TMEM132D: variants seen among roughly 807,000 people sequenced by gnomAD.
TMEM132D encodes the protein mature OL transmembrane protein.
In TMEM132D, 21 loss-of-function variants were observed where a neutral mutation model predicts 62.3. The ratio of observed to expected loss-of-function variants is 0.34; its 90% CI spans 0.24 to 0.49. TMEM132D has a LOEUF of 0.49. Among genes scored for constraint, TMEM132D ranks in the 20% least tolerant of loss-of-function variants. The pLI, the probability that TMEM132D is intolerant of heterozygous loss-of-function variation, is 0.99. For missense variants in TMEM132D, 1,346 were observed against 1,402.8 expected (o/e 0.96, Z 0.65); for synonymous variants, 621 against 575.6 (o/e 1.08, Z -1.13).
chr12:129,749,119 T>C (rs913050305), intron 1 of TMEM132D, among the ~76,000 whole-genome samples: 34 of 152,350 alleles, frequency 2.2e-4, no homozygotes, highest in African/African-American at 7.7e-4. Flanking sequence ...TTGTAACTGG[T>C]ATCATGGTTA....
rs73420163 is a variant in TMEM132D, at chr12:129,250,219, G to A, written c.1300-40556C>T. ...CCTCCTCTGGCTCTTCTCAATGACC[G>A]AGCCCAACCAGAAGCCAACAGGGCA... On this transcript the variant is annotated intron_variant, in intron 4 of 8. Transcript: ENST00000422113. Among the ~76,000 whole-genome samples the A allele has an allele frequency of 5.1e-3, 776 of 152,218 alleles. 10 individuals carry two copies. The highest frequency in any genetic ancestry group is 0.018 in the African/African-American group (745 of 41,528).
At chr12:129,483,865 T>C (rs559857199) in intron 3 of TMEM132D, among the ~76,000 whole-genome samples, 2 of 152,358 alleles carry the variant, frequency 1.3e-5, no homozygotes, top group Admixed American at 6.5e-5. Flanking sequence ...AATATCTGCA[T>C]TTCTCAATGA....
intron 5 of TMEM132D, among the ~76,000 whole-genome samples, chr12:129,090,819 C>A (rs1874884920): frequency 6.6e-6 from 1 of 152,196 alleles, no homozygotes; most frequent in Non-Finnish European, 1.5e-5. Flanking sequence ...TCCAATCTGA[C>A]TTGGCCCTGA....
At chr12:129,357,976 T>G (rs1190505390) in intron 3 of TMEM132D, among the ~76,000 whole-genome samples, 2 of 152,264 alleles carry the variant, frequency 1.3e-5, no homozygotes, top group African/African-American at 4.8e-5. Flanking sequence ...TTCCCATTAC[T>G]GACATCCTTT....
intron 4 of TMEM132D, among the ~76,000 whole-genome samples, chr12:129,276,024 G>A (rs1880996206): frequency 1.4e-5 from 2 of 137,992 alleles, no homozygotes; most frequent in South Asian, 5.3e-4. Context: ...CAGGCACGTG[G>A]ATGCACAGGT....
chr12:129,634,420 GC>G (rs1334340719), intron 2 of TMEM132D, among the ~76,000 whole-genome samples: 2 of 150,076 alleles, frequency 1.3e-5, no homozygotes, highest in African/African-American at 2.5e-5. Flanking sequence ...GCTGCAGTGA[GC>G]TGTGATTGTG....
intron 2 of TMEM132D, among the ~76,000 whole-genome samples, chr12:129,613,429 C>A (rs749346040): frequency 6.6e-6 from 1 of 152,170 alleles, no homozygotes; most frequent in Non-Finnish European, 1.5e-5. Flanking sequence ...CTCAACAGGG[C>A]GTCTTCCCCA....
At chr12:129,436,672 G>T (rs1230272715) in intron 3 of TMEM132D, among the ~76,000 whole-genome samples, 11 of 152,162 alleles carry the variant, frequency 7.2e-5, no homozygotes, top group Non-Finnish European at 1.5e-5. Flanking sequence ...CACATGAACA[G>T]ATCTCCAAAA....
At chr12:129,348,812 G>A (rs1019674416) in intron 3 of TMEM132D, among the ~76,000 whole-genome samples, 22 of 152,198 alleles carry the variant, frequency 1.4e-4, no homozygotes, top group African/African-American at 4.1e-4. Flanking sequence ...AATGATGGCC[G>A]AAATAGCCAG....
chr12:129,477,851 C>T (rs889545661), intron 3 of TMEM132D, among the ~76,000 whole-genome samples: 1 of 151,828 alleles, frequency 6.6e-6, no homozygotes, highest in African/African-American at 2.4e-5. Context: ...TAGACACATA[C>T]ACACACACAT....
intron 4 of TMEM132D, among the ~76,000 whole-genome samples, chr12:129,269,469 T>C (rs1210289686): frequency 6.6e-6 from 1 of 152,134 alleles, no homozygotes; most frequent in Non-Finnish European, 1.5e-5. Flanking sequence ...AGCAGGACTT[T>C]TGCTAGCCCT....
At chr12:129,221,245 A>G (rs1306132668) in intron 4 of TMEM132D, among the ~76,000 whole-genome samples, 5 of 152,180 alleles carry the variant, frequency 3.3e-5, no homozygotes, top group African/African-American at 1.2e-4. Flanking sequence ...CAGTGAGGAG[A>G]TGCTGGAGCC....
chr12:129,340,803 G>A (rs11060259), intron 3 of TMEM132D, among the ~76,000 whole-genome samples: 64,593 of 151,940 alleles, frequency 0.43, 14,145 homozygotes, highest in East Asian at 0.66. Flanking sequence ...TGTTTATTGC[G>A]GCACTATTCA....
chr12:129,854,394 C>T (rs73440453), intron 1 of TMEM132D, among the ~76,000 whole-genome samples: 6 of 152,132 alleles, frequency 3.9e-5, no homozygotes, highest in Non-Finnish European at 7.3e-5. Flanking sequence ...GATTCAGCCC[C>T]AGAACTCGGC....
rs374480947 is a variant in TMEM132D, at chr12:129,800,182, C to T, written c.80-99484G>A. On this transcript the variant is annotated intron_variant, in intron 1 of 8. Coordinates refer to ENST00000422113, the MANE Select transcript of TMEM132D (RefSeq NM_133448.3). Reference sequence around the variant, plus strand: ...ATCTGTAGCTGTATTGGAATTGCCCCAGAAAGGACGTGGATTTAAGTAGGG... The same window carrying T: ...ATCTGTAGCTGTATTGGAATTGCCCTAGAAAGGACGTGGATTTAAGTAGGG... Among the ~76,000 whole-genome samples the T allele has an allele frequency of 1.3e-4, 20 of 152,218 alleles. No individual in the cohort carries two copies. The East Asian group carries it at 2.3e-3, about 18-fold the overall frequency.
At chr12:129,623,776 T>C (rs115872718) in intron 2 of TMEM132D, among the ~76,000 whole-genome samples, 3,262 of 150,068 alleles carry the variant, frequency 0.022, 119 homozygotes, top group African/African-American at 0.075. Context: ...TATATACACA[T>C]ATATATATAT....
intron 3 of TMEM132D, among the ~76,000 whole-genome samples, chr12:129,408,496 T>C (rs1218031714): frequency 6.6e-6 from 1 of 151,962 alleles, no homozygotes; most frequent in Non-Finnish European, 1.5e-5. Context: ...GTCTTAATCC[T>C]TATCCCCTTT....
chr12:129,699,690 A>C, intron 2 of TMEM132D, 120 bp downstream of exon 2: 1 of 1,291,000 alleles, frequency 7.7e-7, no homozygotes, highest in Non-Finnish European at 1.1e-6. Context: ...GGAGTTTGTA[A>C]GAACGGGAAG....
rs1289224339 is a variant in TMEM132D at position 129,671,125 on chromosome 12, TA to T, written c.968+28684del. 2.6e-5 allele frequency among the ~76,000 whole-genome samples: 4 copies of T among 152,210 alleles called. 1 individual carries two copies. The highest frequency in any genetic ancestry group is 7.2e-5 in the African/African-American group (3 of 41,536). Reference sequence around the variant, plus strand: ...AAAAGATGAATATTGAGATACTATATAAAAAATAATGTTTAATAATATTCCC... The same window carrying T: ...AAAAGATGAATATTGAGATACTATATAAAAATAATGTTTAATAATATTCCC... On this transcript the variant is annotated intron_variant, in intron 2 of 8. Coordinates refer to ENST00000422113, the MANE Select transcript of TMEM132D (RefSeq NM_133448.3).
Sources: gnomAD v4.1 joint callset for allele counts (sites outside exome capture counted in the v4.1 genomes callset) on GRCh38, gnomAD v4.1.1 for gene constraint, MANE v1.5 for transcripts, NCBI Gene and HGNC (gene_info 2026-07-23, HGNC 2026-07-21) for gene names.